The following GNAI1 variants were observed in gnomAD, a reference collection of about 807,000 sequenced individuals.
GNAI1 encodes guanine nucleotide-binding protein G(i) subunit alpha-1.
Under a neutral mutation model 38.9 loss-of-function variants are expected in GNAI1, and 11 were observed. The ratio of observed to expected loss-of-function variants is 0.28; its 90% CI spans 0.18 to 0.47. GNAI1 has a LOEUF of 0.47. Ranked by LOEUF, GNAI1 falls within the 20% of genes least tolerant of loss-of-function variation. The pLI is 0.99. For missense variants in GNAI1, 317 were observed against 436.9 expected (o/e 0.73, Z 2.45); for synonymous variants, 166 against 145.1 (o/e 1.14, Z -1.04).
At position 80,142,594 on chromosome 7, in the gene GNAI1, A is replaced by G. The variant is rs1284314564; in HGVS notation, c.118+7316A>G. ...GACTTATCATCTGATGGGATGGCACATAGTAGCTGTTTCATAATTGTTGGT... is the reference window on the plus strand; with the variant it reads ...GACTTATCATCTGATGGGATGGCACGTAGTAGCTGTTTCATAATTGTTGGT... On this transcript the variant is annotated intron_variant, in intron 1 of 7. Coordinates refer to ENST00000649796, the MANE Select transcript of GNAI1 (RefSeq NM_002069.6). Among the ~76,000 whole-genome samples the G allele has an allele frequency of 2.6e-5, 4 of 152,374 alleles. 1 individual carries two copies. The South Asian group carries it at 6.2e-4, about 24-fold the overall frequency.
At chr7:80,177,340 T>C (rs1788203179) in intron 1 of GNAI1, among the ~76,000 whole-genome samples, 1 of 152,124 alleles carries the variant, frequency 6.6e-6, no homozygotes, top group Admixed American at 6.6e-5. Context: ...AGCGTATCTT[T>C]TTAGAGCGTG....
chr7:80,194,333 T>C (rs1455167678), intron 3 of GNAI1, among the ~76,000 whole-genome samples: 1 of 152,192 alleles, frequency 6.6e-6, no homozygotes, highest in Non-Finnish European at 1.5e-5. Context: ...TCTTGGTGTT[T>C]TGATGATCTG....
intron 1 of GNAI1, among the ~76,000 whole-genome samples, chr7:80,179,601 C>G (rs1269525096): frequency 6.6e-6 from 1 of 152,138 alleles, no homozygotes; most frequent in Non-Finnish European, 1.5e-5. Context: ...AACAGTTTGT[C>G]AGAAATTATT....
At chr7:80,152,116 C>T (rs1787738096) in intron 1 of GNAI1, among the ~76,000 whole-genome samples, 2 of 152,098 alleles carry the variant, frequency 1.3e-5, no homozygotes, top group Non-Finnish European at 2.9e-5. Flanking sequence ...TGTTACAAAG[C>T]AGGAAATTGA....
chr7:80,197,035 A>T (rs369867672), intron 3 of GNAI1, among the ~76,000 whole-genome samples: 2 of 151,822 alleles, frequency 1.3e-5, no homozygotes, highest in Admixed American at 1.3e-4. Flanking sequence ...TGGTCATCCC[A>T]TGTATCTGCT....
In GNAI1 at chr7:80,217,700, C is replaced by G. The variant is rs1325360471; in HGVS notation, c.*207C>G. 1 of 354,268 alleles carries G rather than the reference C, an allele frequency of 2.8e-6. No individual in the cohort carries two copies. Among genetic ancestry groups the G allele is most frequent in the Non-Finnish European group, 5.1e-6 (1 of 197,180 alleles). 21.9% of individuals were successfully genotyped at this position (354,268 alleles called of 1,614,324 possible). A position where few individuals can be genotyped will look rare whatever the true frequency, so the allele number is the denominator to read the frequency against. On this transcript the variant is annotated 3_prime_UTR_variant, in exon 8 of 8. Transcript: ENST00000649796. ...TGACAGATGGTCCTGCAGTGTGAAA[C>G]TGAAGGACAGTGTTAAAGCTGGGCT...
chr7:80,162,684 T>C (rs1787944996), intron 1 of GNAI1, among the ~76,000 whole-genome samples: 2 of 152,336 alleles, frequency 1.3e-5, no homozygotes, highest in Non-Finnish European at 2.9e-5. Flanking sequence ...AGGCATACTT[T>C]GAACAGCTCC....
chr7:80,135,767 C>T, intron 1 of GNAI1: 3 of 983,276 alleles, frequency 3.1e-6, no homozygotes, highest in Non-Finnish European at 3.6e-6. Context: ...AATCAGTGCA[C>T]CTTTTGTGGG....
chr7:80,165,588 C>T (rs1297028422), intron 1 of GNAI1, among the ~76,000 whole-genome samples: 1 of 151,904 alleles, frequency 6.6e-6, no homozygotes, highest in African/African-American at 2.4e-5. Flanking sequence ...TTCAGTTTAC[C>T]TTCAGAGTTT....
chr7:80,204,410 G>C (rs1466166740), intron 5 of GNAI1, among the ~76,000 whole-genome samples: 2 of 152,066 alleles, frequency 1.3e-5, no homozygotes, highest in Non-Finnish European at 2.9e-5. Flanking sequence ...AATGCAAGGG[G>C]TCTTGGAGTG....
chr7:80,147,480 C>G (rs1015531448), intron 1 of GNAI1, among the ~76,000 whole-genome samples: 1 of 151,958 alleles, frequency 6.6e-6, no homozygotes. Context: ...CATTCTGGCC[C>G]CCTGATGCGA....
Position 80,170,808 on chromosome 7 carries a change from T to G in GNAI1, c.119-18143T>G, listed in dbSNP as rs563144170. Among the ~76,000 whole-genome samples, 3 of 152,322 alleles carry G rather than the reference T, an allele frequency of 2.0e-5. No individual in the cohort carries two copies. In the East Asian group the frequency reaches 5.8e-4, roughly 29 times the overall value. On this transcript the variant is annotated intron_variant, in intron 1 of 7. Coordinates refer to ENST00000649796, the MANE Select transcript of GNAI1 (RefSeq NM_002069.6). ...CAACATTAGGGATTACAATTTGTCATGAGATTTGGCTGGGGACACAGACCC... is the reference window on the plus strand; with the variant it reads ...CAACATTAGGGATTACAATTTGTCAGGAGATTTGGCTGGGGACACAGACCC...
chr7:80,183,972 T>C (rs978931167), intron 1 of GNAI1, among the ~76,000 whole-genome samples: 6 of 152,244 alleles, frequency 3.9e-5, no homozygotes, highest in Admixed American at 2.6e-4. Context: ...GGTGTTAATG[T>C]GATGGTGCTC....
At chr7:80,217,244 T>TTTCATATGGATGAAACTGA in intron 7 of GNAI1, 59 bp from the exon 8 acceptor site, 5 of 1,093,790 alleles carry the variant, frequency 4.6e-6, no homozygotes, top group South Asian at 1.7e-5. Flanking sequence ...CTGAATTCAG[T>TTTCATATGGATGAAACTGA]ATTTTAAGCA....
chr7:80,156,802 T>A (rs1361129623), intron 1 of GNAI1, among the ~76,000 whole-genome samples: 1 of 152,128 alleles, frequency 6.6e-6, no homozygotes, highest in African/African-American at 2.4e-5. Flanking sequence ...ACAGACTTTA[T>A]TTTTTAGAGT....
rs1036838594 is a variant in GNAI1 at position 80,224,951 on chromosome 7, T to C, written c.*7458T>C. Among the ~76,000 whole-genome samples, 1 of 152,232 alleles carries C rather than the reference T, an allele frequency of 6.6e-6. No individual in the cohort carries two copies. Among genetic ancestry groups the C allele is most frequent in the Non-Finnish European group, 1.5e-5 (1 of 68,034 alleles). On this transcript the variant is annotated 3_prime_UTR_variant, in exon 8 of 8. Transcript: ENST00000649796. ...TTGCATTATATTTGTATTTGGGAAATGAAATGCTTTATTTTTCTTCCACAA... is the reference window on the plus strand; with the variant it reads ...TTGCATTATATTTGTATTTGGGAAACGAAATGCTTTATTTTTCTTCCACAA...
At chr7:80,176,244 G>T (rs112019020) in intron 1 of GNAI1, among the ~76,000 whole-genome samples, 8 of 152,182 alleles carry the variant, frequency 5.3e-5, no homozygotes, top group African/African-American at 1.9e-4. Flanking sequence ...AGCCTAAGCC[G>T]TATCTAGGCC....
chr7:80,155,822 T>A (rs903619654), intron 1 of GNAI1, among the ~76,000 whole-genome samples: 2 of 151,900 alleles, frequency 1.3e-5, no homozygotes, highest in South Asian at 4.2e-4. Context: ...TTTGGGAGGC[T>A]GAGGCGGGTG....
chr7:80,202,151 G>A (rs10228819), intron 4 of GNAI1, among the ~76,000 whole-genome samples: 248 of 152,140 alleles, frequency 1.6e-3, no homozygotes, highest in African/African-American at 5.4e-3. Context: ...GTGCAGTGAC[G>A]TGATCTTGGC....
Sources: gnomAD v4.1 joint callset for allele counts (sites outside exome capture counted in the v4.1 genomes callset) on GRCh38, gnomAD v4.1.1 for gene constraint, MANE v1.5 for transcripts, NCBI Gene and HGNC (gene_info 2026-07-23, HGNC 2026-07-21) for gene names.